Variants in GRID1 observed in about 807,000 individuals in gnomAD.
GRID1 encodes the protein glutamate ionotropic receptor delta type subunit 1.
Under a neutral mutation model 98.0 loss-of-function variants are expected in GRID1, and 28 were observed. The ratio of observed to expected loss-of-function variants is 0.29; its 90% CI spans 0.21 to 0.39. GRID1 has a LOEUF of 0.39. Among genes scored for constraint, GRID1 ranks in the 10% least tolerant of loss-of-function variants. The pLI is 1.00. For synonymous variants in GRID1, 553 were observed against 538.5 expected (o/e 1.03, Z -0.37); for missense variants, 1,111 against 1,340.5 (o/e 0.83, Z 2.67).
rs6585973 is a variant in GRID1, at chr10:85,645,022, T to C, written c.2193+2180A>G. Among the ~76,000 whole-genome samples the C allele has an allele frequency of 6.5e-3, 991 of 152,378 alleles. 13 individuals carry two copies. Among genetic ancestry groups the C allele is most frequent in the African/African-American group, 0.023 (939 of 41,580 alleles). ...GTTGTTTGAGCTTTTCTTATTAATA[T>C]ATTCTTGACAGTAATCTTGCATTGG... On this transcript the variant is annotated intron_variant, in intron 13 of 15. Coordinates refer to ENST00000327946, the MANE Select transcript of GRID1 (RefSeq NM_017551.3).
At chr10:86,076,268 GACA>G (rs1405481212) in intron 4 of GRID1, among the ~76,000 whole-genome samples, 1 of 152,180 alleles carries the variant, frequency 6.6e-6, no homozygotes, top group African/African-American at 2.4e-5. Flanking sequence ...TTGAGGATGA[GACA>G]ACATTTAAGT....
intron 3 of GRID1, among the ~76,000 whole-genome samples, chr10:86,167,724 G>C (rs1438710769): frequency 2.0e-5 from 3 of 152,224 alleles, no homozygotes; most frequent in Admixed American, 6.5e-5. Flanking sequence ...GCCCTCCTCA[G>C]CATGTTCTAG....
At chr10:85,976,973 G>A (rs577812353) in intron 4 of GRID1, among the ~76,000 whole-genome samples, 48 of 152,210 alleles carry the variant, frequency 3.2e-4, no homozygotes, top group Admixed American at 1.2e-3. Flanking sequence ...CAGTTAGGAA[G>A]GACTAAGCAC....
chr10:85,842,486 A>G (rs1842970211), intron 8 of GRID1, among the ~76,000 whole-genome samples: 1 of 152,104 alleles, frequency 6.6e-6, no homozygotes, highest in African/African-American at 2.4e-5. Context: ...TAAAAAATCA[A>G]TAAAAGTGAT....
chr10:86,287,941 T>C (rs1847458763), intron 2 of GRID1, among the ~76,000 whole-genome samples: 1 of 152,002 alleles, frequency 6.6e-6, no homozygotes, highest in East Asian at 1.9e-4. Flanking sequence ...AATAAGGGTC[T>C]CTTCCTCCAG....
intron 2 of GRID1, among the ~76,000 whole-genome samples, chr10:86,229,683 C>G (rs572161625): frequency 4.4e-4 from 67 of 152,326 alleles, no homozygotes; most frequent in Non-Finnish European, 8.7e-4. Context: ...TGGAGTTCAA[C>G]TCATCTGGCT....
chr10:85,670,130 C>T (rs189161043), intron 12 of GRID1, among the ~76,000 whole-genome samples: 2 of 152,258 alleles, frequency 1.3e-5, no homozygotes, highest in African/African-American at 4.8e-5. Context: ...ATGCTGGACA[C>T]GACAGCCCTT....
chr10:86,060,066 A>G (rs1489722918), intron 4 of GRID1, among the ~76,000 whole-genome samples: 1 of 152,208 alleles, frequency 6.6e-6, no homozygotes, highest in Non-Finnish European at 1.5e-5. Flanking sequence ...TGGCTCTGGC[A>G]ATGATGGGGC....
chr10:85,997,847 T>C (rs1044227550), intron 4 of GRID1, among the ~76,000 whole-genome samples: 1 of 152,030 alleles, frequency 6.6e-6, no homozygotes, highest in Admixed American at 6.6e-5. Flanking sequence ...TATACTGATA[T>C]AGGTAGATTA....
chr10:86,039,297 G>A (rs960179415), intron 4 of GRID1, among the ~76,000 whole-genome samples: 4 of 152,088 alleles, frequency 2.6e-5, no homozygotes, highest in African/African-American at 9.7e-5. Context: ...ACCACTCTGT[G>A]AATAAATAGT....
intron 4 of GRID1, among the ~76,000 whole-genome samples, chr10:85,975,130 A>C (rs933252567): frequency 5.9e-5 from 9 of 152,268 alleles, no homozygotes; most frequent in African/African-American, 2.2e-4. Context: ...GAATTTGTCC[A>C]AAATCTCTAC....
intron 12 of GRID1, among the ~76,000 whole-genome samples, chr10:85,706,803 T>C (rs929958287): frequency 6.6e-6 from 1 of 152,078 alleles, no homozygotes; most frequent in Non-Finnish European, 1.5e-5. Context: ...TCAGAAATAA[T>C]GCCACATATC....
At chr10:86,134,259 C>T (rs1844881333) in intron 4 of GRID1, among the ~76,000 whole-genome samples, 3 of 152,224 alleles carry the variant, frequency 2.0e-5, no homozygotes, top group African/African-American at 4.8e-5. Flanking sequence ...ATTCCATGCC[C>T]CTCAGCATTT....
chr10:85,850,808 G>A (rs574407213), intron 8 of GRID1, among the ~76,000 whole-genome samples: 2 of 152,286 alleles, frequency 1.3e-5, no homozygotes, highest in South Asian at 2.1e-4. Context: ...CATATTACCT[G>A]TAACTTTCCT....
At chr10:85,949,987 G>A (rs1263003330) in intron 4 of GRID1, among the ~76,000 whole-genome samples, 2 of 152,098 alleles carry the variant, frequency 1.3e-5, no homozygotes, top group Non-Finnish European at 2.9e-5. Flanking sequence ...TGGATGGATA[G>A]ATGGGTGACT....
At chr10:85,842,607 A>G (rs1354789658) in intron 8 of GRID1, among the ~76,000 whole-genome samples, 2 of 152,100 alleles carry the variant, frequency 1.3e-5, no homozygotes, top group African/African-American at 4.8e-5. Flanking sequence ...GAACAATAAA[A>G]GAAAATACAA....
At chr10:86,238,868 G>T (rs564314800) in intron 2 of GRID1, among the ~76,000 whole-genome samples, 25 of 152,314 alleles carry the variant, frequency 1.6e-4, no homozygotes, top group African/African-American at 5.8e-4. Flanking sequence ...GAAGTCTGCT[G>T]CAGGGGCAGA....
chr10:85,655,139 T>G (rs74369548), intron 12 of GRID1, among the ~76,000 whole-genome samples: 6,018 of 152,284 alleles, frequency 0.04, 144 homozygotes, highest in Middle Eastern at 0.062. Context: ...CTGCTTTTGG[T>G]GTGCCAGCCT....
chr10:85,620,110 G>A, intron 13 of GRID1, 77 bp from the exon 14 acceptor site: 1 of 1,274,072 alleles, frequency 7.8e-7, no homozygotes, highest in Non-Finnish European at 1.1e-6. Flanking sequence ...CCATCTTGAT[G>A]GTGGGATTTG....
Sources: gnomAD v4.1 joint callset for allele counts (sites outside exome capture counted in the v4.1 genomes callset) on GRCh38, gnomAD v4.1.1 for gene constraint, MANE v1.5 for transcripts, NCBI Gene and HGNC (gene_info 2026-07-23, HGNC 2026-07-21) for gene names.